SWAP70: variants seen among roughly 807,000 people sequenced by gnomAD.
SWAP70 encodes switch-associated protein 70.
Under a neutral mutation model 80.2 loss-of-function variants are expected in SWAP70, and 34 were observed. The ratio of observed to expected loss-of-function variants is 0.42; its 90% CI spans 0.32 to 0.56. The LOEUF (loss-of-function observed/expected upper bound fraction) is 0.56. SWAP70 is among the 20% of genes least tolerant of loss of function. The probability of loss-of-function intolerance (pLI) is 0.09; values close to 1 mark genes in which losing one functional copy is unlikely to be tolerated. For missense variants in SWAP70, 578 were observed against 690.7 expected (o/e 0.84, Z 1.83); for synonymous variants, 239 against 238.5 (o/e 1.00, Z -0.02).
At chr11:9,720,542 T>C (rs1851121104) in intron 3 of SWAP70, 1 of 947,970 alleles carries the variant, frequency 1.1e-6, no homozygotes, top group Non-Finnish European at 1.3e-6. Context: ...GTCATTCGGC[T>C]CTACCATCTT....
intron 1 of SWAP70, among the ~76,000 whole-genome samples, chr11:9,668,973 C>G (rs920368101): frequency 1.3e-5 from 2 of 152,166 alleles, no homozygotes; most frequent in Admixed American, 6.5e-5. Context: ...AAAGAAGGCA[C>G]ACTCTCTCTC....
chr11:9,748,141 A>G lies in SWAP70; in HGVS notation c.1554+85A>G, dbSNP rs193189056. The G allele has an allele frequency of 2.4e-3, 3,250 of 1,371,268 alleles. 4 individuals are homozygous for G. Among genetic ancestry groups the G allele is most frequent in the Non-Finnish European group, 2.9e-3 (2,891 of 1,001,060 alleles). 84.9% of individuals were successfully genotyped at this position (1,371,268 alleles called of 1,614,324 possible). A position where few individuals can be genotyped will look rare whatever the true frequency, so the allele number is the denominator to read the frequency against. The stretch of plus-strand genomic sequence containing the variant: ...AATAGAATTATTTGCTTAGCTGCCA[A>G]TATGAAGCTGTAGTAAGAATCTTGC... On this transcript the variant is annotated intron_variant, in intron 10 of 11. Coordinates refer to ENST00000318950, the MANE Select transcript of SWAP70 (RefSeq NM_015055.4).
At position 9,681,070 on chromosome 11, in the gene SWAP70, G is replaced by A. The variant is rs117782374; in HGVS notation, c.100-13076G>A. ...CCAATGCTGTGTGCTCAGTCAAAGA[G>A]AACGACCATCCTCGATAGAGGAGGA... On this transcript the variant is annotated intron_variant, in intron 1 of 11. Coordinates refer to ENST00000318950, the MANE Select transcript of SWAP70 (RefSeq NM_015055.4). 7.1e-3 allele frequency: 1,106 copies of A among 155,300 alleles called. 11 individuals carry two copies. The highest frequency in any genetic ancestry group is 9.2e-3 in the Admixed American group (140 of 15,292). The allele number at this position is 155,300 out of a possible 1,614,324, so 9.6% of individuals were successfully genotyped here.
At chr11:9,744,726 G>T (rs1201707563) in intron 9 of SWAP70, among the ~76,000 whole-genome samples, 2 of 152,138 alleles carry the variant, frequency 1.3e-5, no homozygotes, top group East Asian at 3.9e-4. Flanking sequence ...TGGCCAGCAT[G>T]GTGAAACCCT....
Position 9,671,739 on chromosome 11 carries a change from CATAGAA to C in SWAP70, c.99+7465_99+7470del, listed in dbSNP as rs1468895711. Among the ~76,000 whole-genome samples the C allele has an allele frequency of 1.1e-4, 5 of 43,960 alleles. No homozygotes were observed. The East Asian group carries it at 1.9e-3, about 17-fold the overall frequency. The allele number at this position is 43,960 out of a possible 152,430, so 28.8% of individuals were successfully genotyped here. ...ATATATAAATATATTTCTATGTATACATAGAAATATAAATATATAAATATATAATAT... is the reference window on the plus strand; with the variant it reads ...ATATATAAATATATTTCTATGTATACATATAAATATATAAATATATAATAT... On this transcript the variant is annotated intron_variant, in intron 1 of 11. Transcript: ENST00000318950.
intron 3 of SWAP70, among the ~76,000 whole-genome samples, chr11:9,718,563 A>G (rs962946435): frequency 6.6e-6 from 1 of 152,246 alleles, no homozygotes; most frequent in Non-Finnish European, 1.5e-5. Flanking sequence ...ATTTGGACTG[A>G]TTGTAGACTT....
At chr11:9,678,938 G>T (rs1439701881) in intron 1 of SWAP70, among the ~76,000 whole-genome samples, 4 of 152,008 alleles carry the variant, frequency 2.6e-5, no homozygotes, top group Non-Finnish European at 5.9e-5. Flanking sequence ...CCAAGACTGC[G>T]TTTCATGAAA....
chr11:9,716,638 G>GGT (rs1267249876), intron 3 of SWAP70, among the ~76,000 whole-genome samples: 7 of 152,148 alleles, frequency 4.6e-5, no homozygotes, highest in Non-Finnish European at 8.8e-5. Context: ...CACTAAAAGG[G>GGT]GTGTGTGTGA....
chr11:9,690,895 A>G lies in SWAP70; in HGVS notation c.100-3251A>G, dbSNP rs889032890. Among the ~76,000 whole-genome samples the G allele has an allele frequency of 2.6e-5, 4 of 151,884 alleles. No homozygotes were observed. In the South Asian group the frequency reaches 6.2e-4, roughly 24 times the overall value. On this transcript the variant is annotated intron_variant, in intron 1 of 11. Transcript: ENST00000318950. ...TCAGTTGGTTGTTTTATATATACATATATATTATAATTAATTAATTAATTT... is the reference window on the plus strand; with the variant it reads ...TCAGTTGGTTGTTTTATATATACATGTATATTATAATTAATTAATTAATTT...
At chr11:9,665,396 T>C (rs1850296236) in intron 1 of SWAP70, among the ~76,000 whole-genome samples, 1 of 152,212 alleles carries the variant, frequency 6.6e-6, no homozygotes, top group African/African-American at 2.4e-5. Flanking sequence ...TTTATTTTAC[T>C]TCATTTTTAA....
chr11:9,697,932 G>A (rs536092618), intron 2 of SWAP70, among the ~76,000 whole-genome samples: 101 of 151,820 alleles, frequency 6.7e-4, no homozygotes, highest in Admixed American at 1.3e-3. Context: ...CTACAGCTGC[G>A]TGCCACCACA....
At chr11:9,705,153 T>TACATTGATCA (rs1850885648) in intron 2 of SWAP70, among the ~76,000 whole-genome samples, 1 of 139,346 alleles carries the variant, frequency 7.2e-6, no homozygotes, top group Admixed American at 6.9e-5. Context: ...GTGATCTGTA[T>TACATTGATCA]GCACTGGTGA....
At chr11:9,717,084 G>T (rs1851075786) in intron 3 of SWAP70, among the ~76,000 whole-genome samples, 1 of 152,164 alleles carries the variant, frequency 6.6e-6, no homozygotes, top group Non-Finnish European at 1.5e-5. Context: ...TAACAATTAG[G>T]TGCTCGCTGG....
chr11:9,695,731 GT>G (rs1028052833), intron 2 of SWAP70, among the ~76,000 whole-genome samples: 1 of 150,466 alleles, frequency 6.6e-6, no homozygotes, highest in East Asian at 1.9e-4. Context: ...ACAGGTATCC[GT>G]TTTTTTTTGT....
intron 1 of SWAP70, 102 bp from the exon 2 acceptor site, chr11:9,694,044 A>G (rs1405951466): frequency 7.2e-7 from 1 of 1,384,656 alleles, no homozygotes; most frequent in Non-Finnish European, 9.5e-7. Flanking sequence ...TTTATTTTCC[A>G]TCTTTCTCTA....
At chr11:9,731,264 A>G (rs1851294786) in intron 6 of SWAP70, among the ~76,000 whole-genome samples, 1 of 152,202 alleles carries the variant, frequency 6.6e-6, no homozygotes, top group Non-Finnish European at 1.5e-5. Context: ...AGATAAAATT[A>G]TGTTATATTG....
intron 3 of SWAP70, among the ~76,000 whole-genome samples, chr11:9,714,215 C>T (rs1411950578): frequency 6.6e-6 from 1 of 152,126 alleles, no homozygotes; most frequent in African/African-American, 2.4e-5. Flanking sequence ...ATGGTTATTA[C>T]AGTAGAAAAT....
intron 4 of SWAP70, among the ~76,000 whole-genome samples, chr11:9,727,133 A>G (rs773120778): frequency 4.6e-5 from 7 of 152,224 alleles, no homozygotes; most frequent in African/African-American, 1.2e-4. Flanking sequence ...GCTCACGCCT[A>G]TAATCCCAGC....
intron 2 of SWAP70, among the ~76,000 whole-genome samples, chr11:9,708,988 C>T (rs558983702): frequency 5.3e-5 from 8 of 150,808 alleles, no homozygotes; most frequent in East Asian, 1.9e-4. Context: ...TCACTACAGC[C>T]GTGAATTTCT....
Sources: gnomAD v4.1 joint callset for allele counts (sites outside exome capture counted in the v4.1 genomes callset) on GRCh38, gnomAD v4.1.1 for gene constraint, MANE v1.5 for transcripts, NCBI Gene and HGNC (gene_info 2026-07-23, HGNC 2026-07-21) for gene names.